The following TMPRSS6 variants were observed in gnomAD, a reference collection of about 807,000 sequenced individuals.
TMPRSS6 encodes the protein transmembrane serine protease 6.
Under a neutral mutation model 101.5 loss-of-function variants are expected in TMPRSS6, and 67 were observed. That is an observed-to-expected ratio of 0.66 (90% CI 0.54 to 0.81). TMPRSS6 has a LOEUF of 0.81. TMPRSS6 is among the 30% of genes least tolerant of loss of function. The pLI, the probability that TMPRSS6 is intolerant of heterozygous loss-of-function variation, is 0.00. For synonymous variants in TMPRSS6, 453 were observed against 464.9 expected, an observed-to-expected ratio of 0.97 and a Z score of 0.33; for missense variants, 1,034 against 1,088.7, an observed-to-expected ratio of 0.95 and a Z score of 0.71.
At chr22:37,097,258 G>A (rs1349093145) in intron 3 of TMPRSS6, among the ~76,000 whole-genome samples, 8 of 152,236 alleles carry the variant, frequency 5.3e-5, no homozygotes, top group Admixed American at 3.3e-4. Flanking sequence ...CCTCAGGCTG[G>A]GTCCCTCAGA....
intron 7 of TMPRSS6, among the ~76,000 whole-genome samples, chr22:37,087,492 C>T (rs772434847): frequency 6.6e-6 from 1 of 152,176 alleles, no homozygotes; most frequent in Non-Finnish European, 1.5e-5. Context: ...CAAGGGTCTC[C>T]CTGGGAGGGT....
At chr22:37,098,816 G>A (rs1179921530) in intron 2 of TMPRSS6, among the ~76,000 whole-genome samples, 1 of 152,164 alleles carries the variant, frequency 6.6e-6, no homozygotes, top group Non-Finnish European at 1.5e-5. Flanking sequence ...CCCAGGGAGA[G>A]GCTGACACAG....
chr22:37,070,659 A>G lies in TMPRSS6; in HGVS notation c.1673-7T>C. On this transcript the variant is annotated splice_polypyrimidine_tract_variant and splice_region_variant and intron_variant, in intron 14 of 17. Coordinates refer to ENST00000676104, the MANE Select transcript of TMPRSS6 (RefSeq NM_001374504.1). The stretch of plus-strand genomic sequence containing the variant: ...GGGCCCTGGAGGCCACAGTCTGGGG[A>G]TGGGGGCAGGTGGTGGGGTGGACAG... The G allele has an allele frequency of 1.2e-6, 2 of 1,609,014 alleles. No homozygotes were observed. The highest frequency in any genetic ancestry group is 1.7e-6 in the Non-Finnish European group (2 of 1,177,746).
Position 37,095,544 on chromosome 22 carries a change from A to T in TMPRSS6, c.631+7T>A, listed in dbSNP as rs182455686. 1 of 1,613,192 alleles carries T rather than the reference A, an allele frequency of 6.2e-7. No homozygotes were observed. ...GAAAATGGGGAGGGGAAAAAAAAAT[A>T]GCGTACCCAGCGTGGAATTCAATGC... On this transcript the variant is annotated splice_region_variant and intron_variant, in intron 6 of 17. Coordinates refer to ENST00000676104, the MANE Select transcript of TMPRSS6 (RefSeq NM_001374504.1).
chr22:37,095,741 T>C (rs1929694950), intron 5 of TMPRSS6, 149 bp from the exon 6 acceptor site: 1 of 1,251,298 alleles, frequency 8.0e-7, no homozygotes, highest in Non-Finnish European at 1.1e-6. Flanking sequence ...CCTTCTTTCC[T>C]GGCTCCTTGA....
chr22:37,081,709 G>A (rs903079733), intron 10 of TMPRSS6, among the ~76,000 whole-genome samples: 3 of 152,126 alleles, frequency 2.0e-5, no homozygotes, highest in African/African-American at 2.4e-5. Context: ...CCCAGCCACC[G>A]CTTGGCTACA....
Position 37,082,993 on chromosome 22 carries a change from T to G in TMPRSS6, c.1196+1302A>C, listed in dbSNP as rs188333973. 1.3e-4 allele frequency: 59 copies of G among 471,122 alleles called. No homozygotes were observed. The East Asian group carries it at 3.7e-3, about 29-fold the overall frequency. 29.2% of individuals were successfully genotyped at this position (471,122 alleles called of 1,614,324 possible). ...CAAGCAAATTACAAGTGTTGGTGAT[T>G]GGGAACACACACCCCAGAAATCCAA... On this transcript the variant is annotated intron_variant, in intron 10 of 17. Transcript: ENST00000676104.
In TMPRSS6 at chr22:37,069,910, G is replaced by A. The variant is rs1386269078; in HGVS notation, c.1842-566C>T. Reference sequence around the variant, plus strand: ...CCTGAGATGGGGTTAAAGAGAGCTAGGTGGTCAGAGCGCCCTGCGTCCCAG... The same window carrying A: ...CCTGAGATGGGGTTAAAGAGAGCTAAGTGGTCAGAGCGCCCTGCGTCCCAG... On this transcript the variant is annotated intron_variant, in intron 15 of 17. Transcript: ENST00000676104. This position sits in a 1 kb window ranked among gnomAD's most constrained non-coding sequence, Gnocchi z 4.8. Among the ~76,000 whole-genome samples the A allele has an allele frequency of 6.6e-6, 1 of 152,194 alleles. No individual in the cohort carries two copies.
chr22:37,093,912 A>T (rs1929500248), intron 6 of TMPRSS6, among the ~76,000 whole-genome samples: 1 of 151,890 alleles, frequency 6.6e-6, no homozygotes, highest in Non-Finnish European at 1.5e-5. Flanking sequence ...AGTCCCAGCT[A>T]CTCAGGAGGC....
rs1930305094 is a variant in TMPRSS6, at chr22:37,101,463, G to T, written c.202+1753C>A. Among the ~76,000 whole-genome samples, 1 of 152,048 alleles carries T rather than the reference G, an allele frequency of 6.6e-6. No individual in the cohort carries two copies. The highest frequency in any genetic ancestry group is 1.5e-5 in the Non-Finnish European group (1 of 67,980). On this transcript the variant is annotated intron_variant, in intron 2 of 17. Transcript: ENST00000676104. This position sits in a 1 kb window ranked among gnomAD's most constrained non-coding sequence, Gnocchi z 4.1. The stretch of plus-strand genomic sequence containing the variant: ...GGGCCAGGCTGTCCTCCTCGCTTGG[G>T]GCCTGTCCTGCTCCAGTGTCACTGG...
At chr22:37,092,413 G>A (rs1045012453) in intron 6 of TMPRSS6, among the ~76,000 whole-genome samples, 4 of 151,934 alleles carry the variant, frequency 2.6e-5, no homozygotes, top group African/African-American at 9.7e-5. Flanking sequence ...TTGCAGCCTC[G>A]ACCTCCTGAG....
At chr22:37,091,717 G>A (rs1929278970) in intron 6 of TMPRSS6, among the ~76,000 whole-genome samples, 1 of 152,210 alleles carries the variant, frequency 6.6e-6, no homozygotes, top group African/African-American at 2.4e-5. Flanking sequence ...AGAGGTAGAT[G>A]TTCACTACCT....
intron 10 of TMPRSS6, 175 bp downstream of exon 10, chr22:37,084,120 A>G: frequency 1.5e-6 from 1 of 652,980 alleles, no homozygotes; most frequent in Non-Finnish European, 2.8e-6. Flanking sequence ...GGAGGCTGGG[A>G]CGAGGACAAG....
chr22:37,096,846 G>C (rs192831296), intron 3 of TMPRSS6, 131 bp from the exon 4 acceptor site: 105 of 903,196 alleles, frequency 1.2e-4, no homozygotes, highest in African/African-American at 9.7e-4. Flanking sequence ...GGACAGGCTT[G>C]ATCACGGTCA....
Position 37,103,813 on chromosome 22 carries a change from C to T in TMPRSS6, c.-1-395G>A, listed in dbSNP as rs960528128. Among the ~76,000 whole-genome samples, 4 of 152,152 alleles carry T rather than the reference C, an allele frequency of 2.6e-5. No homozygotes were observed. The highest frequency in any genetic ancestry group is 2.6e-4 in the Admixed American group (4 of 15,272). On this transcript the variant is annotated intron_variant, in intron 1 of 17. Transcript: ENST00000676104. The surrounding 1 kb of genome is among the most constrained non-coding windows in gnomAD (Gnocchi z 4.4). ...CATCTGACCTCTTGCCCTCATTTCC[C>T]GTCCACGCAAGGAATGCTGTTTCTT...
upstream of TMPRSS6, among the ~76,000 whole-genome samples, chr22:37,110,257 C>A (rs1458614101): frequency 2.0e-5 from 3 of 151,586 alleles, no homozygotes; most frequent in African/African-American, 7.3e-5. Flanking sequence ...AATTCTCCTG[C>A]CTCAGCCTCC....
At chr22:37,080,877 G>A (rs566491190) in intron 10 of TMPRSS6, among the ~76,000 whole-genome samples, 5 of 152,384 alleles carry the variant, frequency 3.3e-5, no homozygotes, top group Non-Finnish European at 5.9e-5. Flanking sequence ...GGCATGGGCC[G>A]CTAGAGGCTC....
At chr22:37,086,480 G>C in intron 7 of TMPRSS6, 61 bp from the exon 8 acceptor site, 4 of 1,538,274 alleles carry the variant, frequency 2.6e-6, no homozygotes, top group Non-Finnish European at 3.5e-6. Flanking sequence ...GGCAGGGAGG[G>C]CGGCAGGCGG....
chr22:37,066,746 G>A (rs887169078), intron 17 of TMPRSS6, 80 bp downstream of exon 17: 2 of 1,594,158 alleles, frequency 1.3e-6, no homozygotes, highest in Admixed American at 1.7e-5. Flanking sequence ...GCAGGCTGAT[G>A]TGAGCAAAGG....
Sources: gnomAD v4.1 joint callset for allele counts (sites outside exome capture counted in the v4.1 genomes callset) on GRCh38, gnomAD v4.1.1 for gene constraint, Gnocchi (gnomAD v3.1) non-coding constraint, MANE v1.5 for transcripts, NCBI Gene and HGNC (gene_info 2026-07-23, HGNC 2026-07-21) for gene names.